The following CD101 variants were observed in gnomAD, a reference collection of about 807,000 sequenced individuals.
CD101 encodes CD101 molecule.
Under a neutral mutation model 98.2 loss-of-function variants are expected in CD101, and 76 were observed. That is an observed-to-expected ratio of 0.77 (90% CI 0.64 to 0.94). The LOEUF is 0.94. Among genes scored for constraint, CD101 ranks in the 40% least tolerant of loss-of-function variants. The probability of loss-of-function intolerance (pLI) is 0.00; values close to 1 mark genes in which losing one functional copy is unlikely to be tolerated. For missense variants in CD101, 1,145 were observed against 1,218.8 expected, an observed-to-expected ratio of 0.94 and a Z score of 0.90; for synonymous variants, 471 against 472.7, an observed-to-expected ratio of 1.00 and a Z score of 0.05.
Position 117,006,826 on chromosome 1 carries a change from T to C in CD101, c.44-3024T>C, listed in dbSNP as rs1440500383. ...GGATTATGAAATCCAGAAGTCAGAATCTAGCCTAAATTCATCTTCATATCT... is the reference window on the plus strand; with the variant it reads ...GGATTATGAAATCCAGAAGTCAGAACCTAGCCTAAATTCATCTTCATATCT... On this transcript the variant is annotated intron_variant, in intron 1 of 9. Transcript: ENST00000682167. This position sits in a 1 kb window ranked among gnomAD's most constrained non-coding sequence, Gnocchi z 4.4. 6.6e-6 allele frequency among the ~76,000 whole-genome samples: 1 copy of C among 152,178 alleles called. No individual in the cohort carries two copies. The highest frequency in any genetic ancestry group is 1.9e-4 in the East Asian group (1 of 5,202).
intron 8 of CD101, among the ~76,000 whole-genome samples, chr1:117,029,033 C>T (rs1654143065): frequency 6.7e-6 from 1 of 149,178 alleles, no homozygotes; most frequent in South Asian, 2.1e-4. Context: ...GGGAGAAAGC[C>T]AGCAGAAAGA....
Position 117,013,597 on chromosome 1 carries a change from G to C in CD101, c.1033G>C (p.Ala345Pro). The change falls in exon 4 of 10, where the codon GCA becomes CCA. Residue 345 changes from alanine (A) to proline (P), a missense_variant. By Grantham distance (27) the Ala-to-Pro change is conservative. Coordinates refer to ENST00000682167, the MANE Select transcript of CD101 (RefSeq NM_001256106.3). ...LGLKNDYKER[A>P]SQGELQVSKL... ...CCTGAAGAATGACTACAAAGAGAGA[G>C]CAAGTCAAGGAGAGCTCCAGGTTTC... 6.2e-7 allele frequency: 1 copy of C among 1,614,198 alleles called. No individual in the cohort carries two copies. The highest frequency in any genetic ancestry group is 8.5e-7 in the Non-Finnish European group (1 of 1,180,038).
chr1:117,012,763 T>C lies in CD101; in HGVS notation c.842-643T>C, dbSNP rs1013492316. Among the ~76,000 whole-genome samples, 3 of 152,206 alleles carry C rather than the reference T, an allele frequency of 2.0e-5. No individual in the cohort carries two copies. Among genetic ancestry groups the C allele is most frequent in the African/African-American group, 7.2e-5 (3 of 41,450 alleles). Reference sequence around the variant, plus strand: ...TTTGTCAAAGCAAGTATAAAGGCCTTGTCTGTGATTCCTGGTCTCTATAGG... The same window carrying C: ...TTTGTCAAAGCAAGTATAAAGGCCTCGTCTGTGATTCCTGGTCTCTATAGG... On this transcript the variant is annotated intron_variant, in intron 3 of 9. Transcript: ENST00000682167. The surrounding 1 kb of genome is among the most constrained non-coding windows in gnomAD (Gnocchi z 4.0).
At chr1:117,013,284 A>G in intron 3 of CD101, 122 bp from the exon 4 acceptor site, 1 of 1,230,542 alleles carries the variant, frequency 8.1e-7, no homozygotes, top group East Asian at 2.4e-5. Context: ...CCGCTATAGA[A>G]TTGAACTCCC....
In CD101 at chr1:117,011,924, A is replaced by G. The variant is rs1478974476; in HGVS notation, c.799A>G (p.Lys267Glu). 5 of 1,614,054 alleles carry G rather than the reference A, an allele frequency of 3.1e-6. No individual in the cohort carries two copies. The South Asian group carries it at 5.5e-5, about 18-fold the overall frequency. Reference protein sequence around the residue: ...DPDETWMFITKKQTDQTTLRI... With the variant: ...DPDETWMFITEKQTDQTTLRI... ...AGATGAAACTTGGATGTTCATCACC[A>G]AAAAGCAGACCGATCAAACCACTCT... The change falls in exon 3 of 10, where the codon AAA (lysine) becomes GAA (glutamate). Residue 267 changes from lysine (K) to glutamate (E), a missense_variant. Physicochemically the swap from Lys to Glu is moderately conservative, Grantham distance 56. Coordinates refer to ENST00000682167, the MANE Select transcript of CD101 (RefSeq NM_001256106.3).
At position 117,019,210 on chromosome 1, in the gene CD101, G is replaced by C. The variant is rs1288268765; in HGVS notation, c.2017+650G>C. 6.6e-6 allele frequency among the ~76,000 whole-genome samples: 1 copy of C among 152,240 alleles called. No homozygotes were observed. Among genetic ancestry groups the C allele is most frequent in the African/African-American group, 2.4e-5 (1 of 41,466 alleles). The stretch of plus-strand genomic sequence containing the variant: ...ACGTTGGAGTCATTTAGATCTGACA[G>C]TCACTGGATAGCAGAACAGCTTTGG... On this transcript the variant is annotated intron_variant, in intron 6 of 9. Coordinates refer to ENST00000682167, the MANE Select transcript of CD101 (RefSeq NM_001256106.3). This position sits in a 1 kb window ranked among gnomAD's most constrained non-coding sequence, Gnocchi z 4.3.
intron 4 of CD101, among the ~76,000 whole-genome samples, chr1:117,015,882 A>T (rs1179043253): frequency 6.6e-6 from 1 of 152,182 alleles, no homozygotes; most frequent in African/African-American, 2.4e-5. Context: ...TGCCCAGGGC[A>T]ATTCTGACTC....
chr1:117,013,694 G>A lies in CD101; in HGVS notation c.1130G>A (p.Cys377Tyr), dbSNP rs1653030018. 3.1e-6 allele frequency: 5 copies of A among 1,614,142 alleles called. No homozygotes were observed. Among genetic ancestry groups the A allele is most frequent in the Non-Finnish European group, 2.5e-6 (3 of 1,180,034 alleles). Residue 377 changes from cysteine to tyrosine, a missense_variant, in exon 4 of 10, where the codon TGT becomes TAT. By Grantham distance (194) the Cys-to-Tyr change is radical (BLOSUM62 -2). Coordinates refer to ENST00000682167, the MANE Select transcript of CD101 (RefSeq NM_001256106.3). ...LGPEDEGAYRCVVAEVMKTRT... is the reference protein window; with the variant it reads ...LGPEDEGAYRYVVAEVMKTRT... Reference sequence around the variant, plus strand: ...CCAGAGGATGAAGGCGCCTACAGATGTGTGGTAGCAGAGGTCATGAAAACA... The same window carrying A: ...CCAGAGGATGAAGGCGCCTACAGATATGTGGTAGCAGAGGTCATGAAAACA...
intron 4 of CD101, among the ~76,000 whole-genome samples, chr1:117,014,185 T>TTG (rs3220776): frequency 0.1 from 14,569 of 141,062 alleles, 744 homozygotes; most frequent in Middle Eastern, 0.15. Flanking sequence ...CCCTCTGCCT[T>TTG]TGTGTGTGTG....
chr1:117,011,499 C>T (rs770553600), intron 2 of CD101, 51 bp from the exon 3 acceptor site: 2 of 1,526,640 alleles, frequency 1.3e-6, no homozygotes, highest in Non-Finnish European at 1.8e-6. Context: ...TAAGGAGGCC[C>T]ACTGGACAAG....
In CD101 at chr1:117,019,172, G is replaced by T. The variant is rs12735582; in HGVS notation, c.2017+612G>T. Among the ~76,000 whole-genome samples, 6,469 of 152,306 alleles carry T rather than the reference G, an allele frequency of 0.042. 190 individuals are homozygous for T. The highest frequency in any genetic ancestry group is 0.073 in the South Asian group (351 of 4,828). ...CTTATAGTTTGCATTCTCTTAGGAA[G>T]AGTGATGGAGAGACGTTGGAGTCAT... On this transcript the variant is annotated intron_variant, in intron 6 of 9. Coordinates refer to ENST00000682167, the MANE Select transcript of CD101 (RefSeq NM_001256106.3). This position sits in a 1 kb window ranked among gnomAD's most constrained non-coding sequence, Gnocchi z 4.3.
At position 117,028,283 on chromosome 1, in the gene CD101, G is replaced by T. The variant is rs894546882; in HGVS notation, c.2824+2379G>T. ...GAGGTGTAATCTTCAGGATTTAGAG[G>T]CTGATTCATTGTATATAGAGGGCAA... On this transcript the variant is annotated intron_variant, in intron 8 of 9. Coordinates refer to ENST00000682167, the MANE Select transcript of CD101 (RefSeq NM_001256106.3). 2.0e-3 allele frequency among the ~76,000 whole-genome samples: 310 copies of T among 152,144 alleles called. 2 individuals carry two copies. The highest frequency in any genetic ancestry group is 7.1e-3 in the African/African-American group (294 of 41,502).
At position 117,012,070 on chromosome 1, in the gene CD101, A is replaced by G; in HGVS notation, c.841+104A>G. 4 of 1,086,606 alleles carry G rather than the reference A, an allele frequency of 3.7e-6. No homozygotes were observed. The highest frequency in any genetic ancestry group is 5.2e-6 in the Non-Finnish European group (4 of 763,552). 67.3% of individuals were successfully genotyped at this position (1,086,606 alleles called of 1,614,324 possible). ...TCTAATCTTTTGTTGGCTCTAAAAA[A>G]TTGGCTAGAAAGTTTGATTTAATTT... On this transcript the variant is annotated intron_variant, in intron 3 of 9. Transcript: ENST00000682167. This position sits in a 1 kb window ranked among gnomAD's most constrained non-coding sequence, Gnocchi z 4.0.
rs1455090466 is a variant in CD101 at position 117,017,303 on chromosome 1, A to G, written c.1442A>G (p.His481Arg). 4 of 1,614,106 alleles carry G rather than the reference A, an allele frequency of 2.5e-6. No individual in the cohort carries two copies. The Admixed American group carries it at 6.7e-5, about 27-fold the overall frequency. Residue 481 changes from histidine to arginine, a missense_variant, in exon 5 of 10, where the codon CAT (histidine) becomes CGT (arginine). Transcript: ENST00000682167. ...GCCTCCTATGGGGTACCCAGTTACC[A>G]TGGCAACACAAGGCTGGAGAAAATG... Reference protein sequence around the residue: ...LGASYGVPSYHGNTRLEKMDW... With the variant: ...LGASYGVPSYRGNTRLEKMDW...
chr1:117,018,556 A>T lies in CD101; in HGVS notation c.2013A>T (p.Leu671Phe). ...ISHPLRIAVTLPESKLKVNSR... is the reference protein window; with the variant it reads ...ISHPLRIAVTFPESKLKVNSR... Reference sequence around the variant, plus strand: ...ACCCACTGAGGATAGCCGTCACTTTACCAGGTAAGTGTGACTTGAAATTAA... The same window carrying T: ...ACCCACTGAGGATAGCCGTCACTTTTCCAGGTAAGTGTGACTTGAAATTAA... Residue 671 changes from leucine to phenylalanine, a missense_variant, in exon 6 of 10, where the codon TTA becomes TTT. Physicochemically the swap from Leu to Phe is conservative, Grantham distance 22 (BLOSUM62 0). Transcript: ENST00000682167. The surrounding 1 kb of genome is among the most constrained non-coding windows in gnomAD (Gnocchi z 4.3). 1 of 1,582,216 alleles carries T rather than the reference A, an allele frequency of 6.3e-7. No homozygotes were observed. The highest frequency in any genetic ancestry group is 1.8e-5 in the Admixed American group (1 of 55,176).
At position 117,009,721 on chromosome 1, in the gene CD101, A is replaced by T. The variant is rs150237613; in HGVS notation, c.44-129A>T. ...GCCTGAAGAAGATGTTGAACATTTGAGTCAATTATAGCTAATAACTTGCGA... is the reference window on the plus strand; with the variant it reads ...GCCTGAAGAAGATGTTGAACATTTGTGTCAATTATAGCTAATAACTTGCGA... On this transcript the variant is annotated intron_variant, in intron 1 of 9. Transcript: ENST00000682167. 1.9e-3 allele frequency: 1,718 copies of T among 911,370 alleles called. 7 individuals are homozygous for T. Among genetic ancestry groups the T allele is most frequent in the South Asian group, 9.4e-3 (491 of 52,032 alleles). 56.5% of individuals were successfully genotyped at this position (911,370 alleles called of 1,614,324 possible).
chr1:117,013,255 T>C, intron 3 of CD101, 151 bp from the exon 4 acceptor site: 1 of 844,112 alleles, frequency 1.2e-6, no homozygotes. Flanking sequence ...AAGGATTTTG[T>C]TTTTTTTGGG....
rs1653014018 is a variant in CD101 at position 117,013,561 on chromosome 1, G to T, written c.997G>T (p.Gly333Ter). 2 of 1,614,176 alleles carry T rather than the reference G, an allele frequency of 1.2e-6. No individual in the cohort carries two copies. The highest frequency in any genetic ancestry group is 1.7e-6 in the Non-Finnish European group (2 of 1,180,030). ...GTEIAHIDAG[G>*]VLGLKNDYKE... The stretch of plus-strand genomic sequence containing the variant: ...TGAAATTGCTCACATTGATGCTGGT[G>T]GAGTCCTGGGCCTGAAGAATGACTA... Residue 333 changes from glycine (G) to a stop codon, truncating the protein, a stop_gained, in exon 4 of 10, where the codon GGA becomes TGA. Transcript: ENST00000682167. LOFTEE classifies it high-confidence loss of function.
chr1:117,029,129 CAGAAAGAAAGAAAGAAAGAA>C (rs1277611386), intron 8 of CD101, among the ~76,000 whole-genome samples: 1 of 18,490 alleles, frequency 5.4e-5, no homozygotes, highest in African/African-American at 1.5e-4. Context: ...AGTCCAACAT[CAGAAAGAAAGAAAGAAAGAA>C]AGAAAGAAAG....
Sources: gnomAD v4.1 joint callset for allele counts (sites outside exome capture counted in the v4.1 genomes callset) on GRCh38, gnomAD v4.1.1 for gene constraint, Gnocchi (gnomAD v3.1) non-coding constraint, MANE v1.5 for transcripts, NCBI Gene and HGNC (gene_info 2026-07-23, HGNC 2026-07-21) for gene names.